Variants in TRIM5 observed in about 807,000 individuals in gnomAD.
TRIM5 encodes tripartite motif containing 5.
A neutral mutation model predicts 35.6 loss-of-function variants in TRIM5; 31 were observed. That is an observed-to-expected ratio of 0.87 (90% CI 0.65 to 1.18). The LOEUF is 1.18. TRIM5 is among the 50% of genes most tolerant of loss of function. The probability of loss-of-function intolerance (pLI) is 0.00; values close to 1 mark genes in which losing one functional copy is unlikely to be tolerated. For synonymous variants in TRIM5, 243 were observed against 215.6 expected, an observed-to-expected ratio of 1.13 and a Z score of -1.11; for missense variants, 609 against 591.6, an observed-to-expected ratio of 1.03 and a Z score of -0.31.
chr11:5,635,959 C>T, the TRIM5 span, among the ~76,000 whole-genome samples: 1 of 152,192 alleles, frequency 6.6e-6, no homozygotes, highest in Non-Finnish European at 1.5e-5. Flanking sequence ...AGTAAAGCTA[C>T]TTAGGAAAAA....
the TRIM5 span, among the ~76,000 whole-genome samples, chr11:5,618,731 T>C: frequency 1.3e-5 from 2 of 152,200 alleles, no homozygotes; most frequent in African/African-American, 4.8e-5. Flanking sequence ...TTCTTGAACC[T>C]TGATTGATTA....
intron 4 of TRIM5, chr11:5,677,960 T>C (rs938359354): frequency 1.1e-5 from 4 of 373,048 alleles, no homozygotes; most frequent in Admixed American, 4.2e-5. Context: ...CTATCAAACA[T>C]GACTAGAGCT....
At chr11:5,670,877 T>C (rs889209331) in intron 4 of TRIM5, among the ~76,000 whole-genome samples, 2 of 152,160 alleles carry the variant, frequency 1.3e-5, no homozygotes, top group Non-Finnish European at 2.9e-5. Flanking sequence ...AGTAAATAAA[T>C]GAAGGTACAG....
chr11:5,641,308 A>G, the TRIM5 span: 5 of 1,563,356 alleles, frequency 3.2e-6, no homozygotes, highest in Non-Finnish European at 4.3e-6. Flanking sequence ...ATTTGGATGT[A>G]TCGTTATCTT....
At chr11:5,643,516 C>A in the TRIM5 span, 1,320 of 1,614,182 alleles carry the variant, frequency 8.2e-4, 16 homozygotes, top group South Asian at 0.011. Flanking sequence ...TTGACTCTCT[C>A]CATGGCTGTG....
chr11:5,620,199 A>G, the TRIM5 span, among the ~76,000 whole-genome samples: 10 of 61,250 alleles, frequency 1.6e-4, no homozygotes, highest in African/African-American at 6.1e-4. Context: ...TTTTGTTGAG[A>G]CTGAGTCTCA....
At chr11:5,590,099 C>T in the TRIM5 span, 1 of 156,008 alleles carries the variant, frequency 6.4e-6, no homozygotes, top group African/African-American at 2.4e-5. Flanking sequence ...CTTGCCGGGC[C>T]TTAGCTGCCT....
At chr11:5,608,389 A>T in the TRIM5 span, 2 of 1,613,788 alleles carry the variant, frequency 1.2e-6, no homozygotes, top group Non-Finnish European at 1.7e-6. Flanking sequence ...GTGATGTCAC[A>T]GAAAGGTATG....
the TRIM5 span, among the ~76,000 whole-genome samples, chr11:5,657,656 TA>T: frequency 4.3e-5 from 5 of 116,764 alleles, no homozygotes; most frequent in East Asian, 4.1e-4. Flanking sequence ...ATATTATATA[TA>T]ATATATATTT....
Position 5,663,590 on chromosome 11 carries a change from A to G in TRIM5, c.*1219T>C, listed in dbSNP as rs978472264. 8.3e-6 allele frequency: 8 copies of G among 962,202 alleles called. No individual in the cohort carries two copies. The South Asian group carries it at 3.8e-4, about 46-fold the overall frequency. The allele number at this position is 962,202 out of a possible 1,614,324, so 59.6% of individuals were successfully genotyped here. On this transcript the variant is annotated 3_prime_UTR_variant, in exon 8 of 8. Transcript: ENST00000380034. Reference sequence around the variant, plus strand: ...TTATACTTCAGGAATTTATTTTTTCACAATGATCCAAAGTATTAGATGAAG... The same window carrying G: ...TTATACTTCAGGAATTTATTTTTTCGCAATGATCCAAAGTATTAGATGAAG...
intron 1 of TRIM5, among the ~76,000 whole-genome samples, chr11:5,683,395 C>A (rs1300842691): frequency 6.6e-6 from 1 of 152,198 alleles, no homozygotes; most frequent in Non-Finnish European, 1.5e-5. Context: ...CTTGCAGAAC[C>A]TTTATGTTTA....
In TRIM5 at chr11:5,663,719, C is replaced by T. The variant is rs1027368104; in HGVS notation, c.*1090G>A. 5.3e-6 allele frequency: 2 copies of T among 375,556 alleles called. No homozygotes were observed. Among genetic ancestry groups the T allele is most frequent in the African/African-American group, 4.4e-5 (2 of 45,730 alleles). The allele number at this position is 375,556 out of a possible 1,614,324, so 23.3% of individuals were successfully genotyped here. On this transcript the variant is annotated 3_prime_UTR_variant, in exon 8 of 8. Coordinates refer to ENST00000380034, the MANE Select transcript of TRIM5 (RefSeq NM_033034.3). ...ATGTATACATTGCGTAATAACCGAA[C>T]CAGGGTAATTAGCATATCCATCACC...
chr11:5,609,257 T>C, the TRIM5 span, among the ~76,000 whole-genome samples: 1 of 152,172 alleles, frequency 6.6e-6, no homozygotes, highest in Admixed American at 6.5e-5. Context: ...TTCTGAAATC[T>C]GTACTCTCCG....
At chr11:5,681,848 G>C (rs1852488894) in intron 1 of TRIM5, among the ~76,000 whole-genome samples, 1 of 152,036 alleles carries the variant, frequency 6.6e-6, no homozygotes, top group Non-Finnish European at 1.5e-5. Flanking sequence ...GCCCAGGCTG[G>C]AGTGCAATGG....
chr11:5,609,740 A>T, the TRIM5 span, among the ~76,000 whole-genome samples: 2 of 152,072 alleles, frequency 1.3e-5, no homozygotes, highest in African/African-American at 4.8e-5. Context: ...GGCTAACATG[A>T]TGAAACCCTA....
the TRIM5 span, chr11:5,610,431 C>T: frequency 6.2e-7 from 1 of 1,602,244 alleles, no homozygotes. Flanking sequence ...AGGTGACATC[C>T]TCACAGGATT....
the TRIM5 span, among the ~76,000 whole-genome samples, chr11:5,640,317 CTGTTT>C: frequency 1.3e-5 from 2 of 151,170 alleles, no homozygotes; most frequent in East Asian, 1.9e-4. Flanking sequence ...GTTACCATTC[CTGTTT>C]TGTTTTGTTT....
the TRIM5 span, among the ~76,000 whole-genome samples, chr11:5,617,466 A>G: frequency 2.2e-5 from 3 of 138,002 alleles, no homozygotes; most frequent in Non-Finnish European, 4.7e-5. Context: ...GTTTCTATAC[A>G]TTATATATAT....
rs1850971269 is a variant in TRIM5 at position 5,664,410 on chromosome 11, C to T, written c.*399G>A. On this transcript the variant is annotated 3_prime_UTR_variant, in exon 8 of 8. Transcript: ENST00000380034. ...GCATCGAGGGTAAACTGACACAGGG[C>T]TAAGGACTCATTCATTGGTGAACAA... 1 of 1,005,234 alleles carries T rather than the reference C, an allele frequency of 9.9e-7. No homozygotes were observed. Among genetic ancestry groups the T allele is most frequent in the African/African-American group, 1.7e-5 (1 of 57,442 alleles). 62.3% of individuals were successfully genotyped at this position (1,005,234 alleles called of 1,614,324 possible).
Sources: allele counts gnomAD v4.1 joint callset (sites outside exome capture counted in the v4.1 genomes callset), GRCh38; gene constraint gnomAD v4.1.1; transcripts MANE v1.5; gene names NCBI Gene and HGNC (gene_info 2026-07-23, HGNC 2026-07-21).